SHROOM3: variants seen among roughly 807,000 people sequenced by gnomAD.
SHROOM3 encodes the protein shroom family member 3.
A neutral mutation model predicts 138.6 loss-of-function variants in SHROOM3; 47 were observed. The observed-to-expected ratio is 0.34, with a 90% CI of 0.27 to 0.43. SHROOM3 has a LOEUF of 0.43. Among genes scored for constraint, SHROOM3 ranks in the 20% least tolerant of loss-of-function variants. The probability of loss-of-function intolerance (pLI) is 1.00; values close to 1 mark genes in which losing one functional copy is unlikely to be tolerated. For missense variants in SHROOM3, 2,491 were observed against 2,596.5 expected (o/e 0.96, Z 0.88); for synonymous variants, 1,062 against 1,063.3 (o/e 1.00, Z 0.02).
chr4:76,514,472 G>C (rs1217097382), intron 1 of SHROOM3, among the ~76,000 whole-genome samples: 2 of 152,126 alleles, frequency 1.3e-5, no homozygotes, highest in African/African-American at 4.8e-5. Context: ...TACTTCAGTG[G>C]CTGCCAGGGG....
At chr4:76,746,869 T>C (rs138648034) in intron 5 of SHROOM3, among the ~76,000 whole-genome samples, 6 of 151,054 alleles carry the variant, frequency 4.0e-5, no homozygotes, top group African/African-American at 1.5e-4. Flanking sequence ...CAGGCTGGAG[T>C]GCACTGGCGC....
intron 4 of SHROOM3, among the ~76,000 whole-genome samples, chr4:76,735,960 T>A (rs1721059029): frequency 6.7e-6 from 1 of 148,410 alleles, no homozygotes; most frequent in Non-Finnish European, 1.5e-5. Context: ...TCAGTTTATT[T>A]ACTTTGATTT....
At chr4:76,547,448 C>G (rs1172638498) in intron 1 of SHROOM3, among the ~76,000 whole-genome samples, 1 of 152,134 alleles carries the variant, frequency 6.6e-6, no homozygotes, top group Admixed American at 6.5e-5. Context: ...ACACGAAGCC[C>G]TCAACATCTG....
Position 76,741,701 on chromosome 4 carries a change from T to TGGC in SHROOM3, c.3529_3531dup (p.Gly1177dup). 6.4e-7 allele frequency: 1 copy of TGGC among 1,552,390 alleles called. No individual in the cohort carries two copies. The highest frequency in any genetic ancestry group is 8.7e-7 in the Non-Finnish European group (1 of 1,149,702). On this transcript the variant is annotated inframe_insertion, in exon 5 of 11. Coordinates refer to ENST00000296043, the MANE Select transcript of SHROOM3 (RefSeq NM_020859.4). This position sits in a 1 kb window ranked among gnomAD's most constrained non-coding sequence, Gnocchi z 6.2. ...GAGATCGCAGCAGCTCCTTCGCCGG[T>TGGC]GGCCGCCGCCTCGGGGAACGGCGAC...
chr4:76,757,012 T>C (rs1165291560), intron 8 of SHROOM3, 75 bp downstream of exon 8: 1 of 1,607,992 alleles, frequency 6.2e-7, no homozygotes, highest in East Asian at 2.2e-5. Flanking sequence ...AGTCTAGGAC[T>C]AGTTGCCTGA....
intron 3 of SHROOM3, among the ~76,000 whole-genome samples, chr4:76,722,930 A>G (rs1399928282): frequency 1.3e-5 from 2 of 151,894 alleles, no homozygotes; most frequent in African/African-American, 4.8e-5. Context: ...GGTAACTTTT[A>G]TTTTGTGGTG....
chr4:76,548,379 C>G (rs1401684351), intron 1 of SHROOM3, among the ~76,000 whole-genome samples: 2 of 152,196 alleles, frequency 1.3e-5, no homozygotes, highest in Non-Finnish European at 2.9e-5. Context: ...AAGCACAACA[C>G]AGGACCAATC....
chr4:76,591,809 A>G (rs1734279099), intron 2 of SHROOM3, among the ~76,000 whole-genome samples: 1 of 152,198 alleles, frequency 6.6e-6, no homozygotes, highest in Non-Finnish European at 1.5e-5. Context: ...TGCCTCCCAT[A>G]TAAAATATAA....
At chr4:76,666,309 G>C (rs1037416393) in intron 2 of SHROOM3, among the ~76,000 whole-genome samples, 2 of 152,150 alleles carry the variant, frequency 1.3e-5, no homozygotes, top group Admixed American at 1.3e-4. Context: ...AGATACATCA[G>C]TGGATTACAG....
chr4:76,601,638 G>A (rs753001800), intron 2 of SHROOM3, among the ~76,000 whole-genome samples: 2 of 151,926 alleles, frequency 1.3e-5, no homozygotes, highest in African/African-American at 2.4e-5. Context: ...CTGAGTAGCC[G>A]GGACTACAGG....
At chr4:76,496,016 T>C (rs1731961260) in intron 1 of SHROOM3, among the ~76,000 whole-genome samples, 1 of 152,202 alleles carries the variant, frequency 6.6e-6, no homozygotes, top group South Asian at 2.1e-4. Flanking sequence ...CCAAAGCTGT[T>C]CATACAATGG....
chr4:76,613,529 T>G (rs1461865128), intron 2 of SHROOM3, among the ~76,000 whole-genome samples: 1 of 152,190 alleles, frequency 6.6e-6, no homozygotes, highest in Non-Finnish European at 1.5e-5. Flanking sequence ...CCTCCTTTGC[T>G]TTGATAAAAA....
chr4:76,689,060 G>A, intron 2 of SHROOM3: 2 of 562,024 alleles, frequency 3.6e-6, no homozygotes, highest in South Asian at 7.8e-5. Flanking sequence ...GCGAGCGCGG[G>A]CTTCTTAAAG....
intron 2 of SHROOM3, among the ~76,000 whole-genome samples, chr4:76,607,405 T>C (rs1734645154): frequency 6.6e-6 from 1 of 152,210 alleles, no homozygotes; most frequent in Admixed American, 6.5e-5. Context: ...GTTTGACAGA[T>C]ATTCATTTAA....
At chr4:76,559,302 G>T (rs1367026293) in intron 2 of SHROOM3, 2 of 152,168 alleles carry the variant, frequency 1.3e-5, no homozygotes, top group Non-Finnish European at 2.9e-5. Flanking sequence ...GATCCGGGTA[G>T]AAGCCTCTTT....
At chr4:76,773,096 G>C (rs546999566) in intron 10 of SHROOM3, among the ~76,000 whole-genome samples, 1 of 152,258 alleles carries the variant, frequency 6.6e-6, no homozygotes, top group South Asian at 2.1e-4. Context: ...GTGAGCTAAG[G>C]CTGGGTGCAG....
intron 1 of SHROOM3, among the ~76,000 whole-genome samples, chr4:76,440,699 C>T (rs994007514): frequency 2.0e-5 from 3 of 152,112 alleles, no homozygotes; most frequent in Non-Finnish European, 4.4e-5. Flanking sequence ...AAAGGTAGGC[C>T]ACTGCCCTGG....
At chr4:76,738,724 C>T (rs201796092) in intron 4 of SHROOM3, 37 bp from the exon 5 acceptor site, 1 of 1,610,506 alleles carries the variant, frequency 6.2e-7, no homozygotes, top group Non-Finnish European at 8.5e-7. Flanking sequence ...TAAATGATAA[C>T]AGCTCAGTGG....
At chr4:76,773,435 A>C (rs917141480) in intron 10 of SHROOM3, among the ~76,000 whole-genome samples, 2 of 151,818 alleles carry the variant, frequency 1.3e-5, no homozygotes, top group African/African-American at 4.8e-5. Context: ...ACATGGCCCC[A>C]TCAAAAGAGA....
Sources: gnomAD v4.1 joint callset for allele counts (sites outside exome capture counted in the v4.1 genomes callset) on GRCh38, gnomAD v4.1.1 for gene constraint, Gnocchi (gnomAD v3.1) non-coding constraint, MANE v1.5 for transcripts, NCBI Gene and HGNC (gene_info 2026-07-23, HGNC 2026-07-21) for gene names.